L3MBTL4: variants seen among roughly 807,000 people sequenced by gnomAD.
The protein encoded by L3MBTL4 is lethal(3)malignant brain tumor-like protein 4.
L3MBTL4 carries 70 observed loss-of-function variants against 84.5 expected under a neutral mutation model. The ratio of observed to expected loss-of-function variants is 0.83; its 90% confidence interval spans 0.68 to 1.01. The LOEUF (loss-of-function observed/expected upper bound fraction) is 1.01, where lower values mean the gene tolerates loss of function less well. Ranked by LOEUF, L3MBTL4 falls within the 50% of genes least tolerant of loss-of-function variation. The pLI is 0.00. For synonymous variants in L3MBTL4, 274 were observed against 259.8 expected, an observed-to-expected ratio of 1.05 and a Z score of -0.52; for missense variants, 715 against 754.8, an observed-to-expected ratio of 0.95 and a Z score of 0.62.
At chr18:6,102,381 C>A (rs1210281697) in intron 14 of L3MBTL4, among the ~76,000 whole-genome samples, 1 of 152,204 alleles carries the variant, frequency 6.6e-6, no homozygotes, top group Non-Finnish European at 1.5e-5. Flanking sequence ...TCAGTGTCTC[C>A]AAACTCAGGC....
intron 14 of L3MBTL4, among the ~76,000 whole-genome samples, chr18:6,129,370 G>GTA (rs2059804981): frequency 8.2e-6 from 1 of 121,520 alleles, no homozygotes; most frequent in South Asian, 2.6e-4. Context: ...AATTCTCTCT[G>GTA]TGTGTGTGTG....
chr18:5,981,294 C>T (rs2053199380), intron 16 of L3MBTL4, among the ~76,000 whole-genome samples: 1 of 152,194 alleles, frequency 6.6e-6, no homozygotes. Context: ...TACTATTTCA[C>T]AGACTTCAGT....
rs535570675 is a variant in L3MBTL4, at chr18:5,958,159, A to G, written c.1678-1772T>C. ...AAGAAGAAGAAGAAGAAGAAGAAGA[A>G]CAAGAAGAAGAAGAAGACGACGAAG... On this transcript the variant is annotated intron_variant, in intron 18 of 18. Coordinates refer to ENST00000317931, the MANE Select transcript of L3MBTL4 (RefSeq NM_001330559.2). 2.1e-4 allele frequency among the ~76,000 whole-genome samples: 14 copies of G among 66,996 alleles called. 1 individual carries two copies. The highest frequency in any genetic ancestry group is 1.7e-3 in the Admixed American group (13 of 7,546). The allele number at this position is 66,996 out of a possible 152,430, so 44.0% of individuals were successfully genotyped here. A position where few individuals can be genotyped will look rare whatever the true frequency, so the allele number is the denominator to read the frequency against.
chr18:6,155,054 C>T (rs1256990395), intron 13 of L3MBTL4, among the ~76,000 whole-genome samples: 1 of 151,992 alleles, frequency 6.6e-6, no homozygotes, highest in East Asian at 1.9e-4. Context: ...TTCTTTGGAA[C>T]AATAAAAGCT....
At chr18:6,274,757 G>A (rs1343272330) in intron 4 of L3MBTL4, among the ~76,000 whole-genome samples, 1 of 152,146 alleles carries the variant, frequency 6.6e-6, no homozygotes, top group Non-Finnish European at 1.5e-5. Flanking sequence ...AGAAATATCA[G>A]GAAGGAGATC....
At chr18:6,014,364 C>T (rs2054867455) in intron 16 of L3MBTL4, among the ~76,000 whole-genome samples, 1 of 152,166 alleles carries the variant, frequency 6.6e-6, no homozygotes, top group African/African-American at 2.4e-5. Flanking sequence ...TCCATCCATC[C>T]ATCCTGTAGG....
intron 14 of L3MBTL4, among the ~76,000 whole-genome samples, chr18:6,097,725 C>T (rs747104438): frequency 1.3e-5 from 2 of 152,184 alleles, no homozygotes; most frequent in African/African-American, 2.4e-5. Flanking sequence ...TTGTGGGCTC[C>T]GGTTCCTCTA....
chr18:6,204,486 G>C (rs933676438), intron 12 of L3MBTL4, among the ~76,000 whole-genome samples: 1 of 151,828 alleles, frequency 6.6e-6, no homozygotes, highest in Non-Finnish European at 1.5e-5. Flanking sequence ...CCTGACAAAG[G>C]GGCTTTCCAT....
intron 15 of L3MBTL4, among the ~76,000 whole-genome samples, chr18:6,086,847 C>T (rs1231566282): frequency 1.3e-5 from 2 of 152,162 alleles, no homozygotes; most frequent in African/African-American, 4.8e-5. Context: ...AAAGATGGAA[C>T]TGGTTTGCTC....
At chr18:6,270,804 A>G (rs1397723955) in intron 4 of L3MBTL4, among the ~76,000 whole-genome samples, 1 of 152,182 alleles carries the variant, frequency 6.6e-6, no homozygotes, top group Non-Finnish European at 1.5e-5. Context: ...AGCTTCCTCA[A>G]AGTTGGCCTA....
intron 16 of L3MBTL4, among the ~76,000 whole-genome samples, chr18:6,078,065 G>T (rs1423117719): frequency 7.0e-6 from 1 of 143,346 alleles, no homozygotes; most frequent in Non-Finnish European, 1.5e-5. Flanking sequence ...ATAAATAAAA[G>T]ACTCCTGATG....
chr18:6,272,608 G>GACCA (rs2048931432), intron 4 of L3MBTL4, among the ~76,000 whole-genome samples: 1 of 73,352 alleles, frequency 1.4e-5, no homozygotes, highest in African/African-American at 4.9e-5. Context: ...TCTACAGAGC[G>GACCA]GCGCCTTCAG....
At position 6,208,808 on chromosome 18, in the gene L3MBTL4, C is replaced by T. The variant is rs867301344; in HGVS notation, c.981+4341G>A. On this transcript the variant is annotated intron_variant, in intron 12 of 18. Transcript: ENST00000317931. ...AGATACACTGAGTACATCATAAACG[C>T]TTATTAGAGAGCAACCATCATAATT... 3.5e-4 allele frequency among the ~76,000 whole-genome samples: 53 copies of T among 152,264 alleles called. 1 individual carries two copies. Among genetic ancestry groups the T allele is most frequent in the African/African-American group, 1.2e-3 (50 of 41,548 alleles).
At chr18:5,964,509 C>T (rs979127674) in intron 17 of L3MBTL4, among the ~76,000 whole-genome samples, 2 of 151,114 alleles carry the variant, frequency 1.3e-5, no homozygotes, top group Non-Finnish European at 2.9e-5. Context: ...AGTTTATTTG[C>T]CTTTTTTTTT....
intron 9 of L3MBTL4, among the ~76,000 whole-genome samples, chr18:6,238,250 T>G (rs923834138): frequency 1.3e-5 from 2 of 152,108 alleles, no homozygotes; most frequent in Admixed American, 6.5e-5. Context: ...AAGTATAAAA[T>G]TGGCTGGGCG....
intron 1 of L3MBTL4, among the ~76,000 whole-genome samples, chr18:6,337,208 T>C: frequency 6.6e-6 from 1 of 152,024 alleles, no homozygotes; most frequent in East Asian, 1.9e-4. Context: ...AGAAAACTAA[T>C]GAATCGACCT....
At chr18:6,321,206 A>AAC (rs2051384681) in intron 1 of L3MBTL4, among the ~76,000 whole-genome samples, 1 of 152,206 alleles carries the variant, frequency 6.6e-6, no homozygotes, top group African/African-American at 2.4e-5. Flanking sequence ...AAGCAAATGT[A>AAC]ACAAAAACAA....
chr18:5,979,885 AC>A (rs376114172), intron 16 of L3MBTL4, among the ~76,000 whole-genome samples: 72 of 152,146 alleles, frequency 4.7e-4, no homozygotes, highest in African/African-American at 1.6e-3. Flanking sequence ...CCTGCGTGGG[AC>A]CCTTGGAGAC....
At chr18:6,232,776 T>C (rs1228813006) in intron 10 of L3MBTL4, among the ~76,000 whole-genome samples, 1 of 152,142 alleles carries the variant, frequency 6.6e-6, no homozygotes, top group African/African-American at 2.4e-5. Context: ...TTATGGAGGA[T>C]ACTCTGAAAA....
Sources: gnomAD v4.1 joint callset for allele counts (sites outside exome capture counted in the v4.1 genomes callset) on GRCh38, gnomAD v4.1.1 for gene constraint, MANE v1.5 for transcripts, NCBI Gene and HGNC (gene_info 2026-07-23, HGNC 2026-07-21) for gene names.